Variants in ZBTB5 observed in about 807,000 individuals in gnomAD.
ZBTB5 encodes zinc finger and BTB domain containing 5, also known as zinc finger and BTB domain-containing protein 5.
A neutral mutation model predicts 37.9 loss-of-function variants in ZBTB5; 15 were observed. The observed-to-expected ratio is 0.40, with a 90% CI of 0.26 to 0.61. ZBTB5 has a LOEUF of 0.61. Among genes scored for constraint, ZBTB5 ranks in the 20% least tolerant of loss-of-function variants. The pLI, the probability that ZBTB5 is intolerant of heterozygous loss-of-function variation, is 0.47. For synonymous variants in ZBTB5, 315 were observed against 312.4 expected, an observed-to-expected ratio of 1.01 and a Z score of -0.09; for missense variants, 708 against 856.8, an observed-to-expected ratio of 0.83 and a Z score of 2.17.
At position 37,441,338 on chromosome 9, in the gene ZBTB5, G is replaced by A. The variant is rs772156215; in HGVS notation, c.1214C>T (p.Ser405Phe). The stretch of plus-strand genomic sequence containing the variant: ...AAGAAAATTCGAAATACTAAAAGTG[G>A]ACTTATGCTCTAGGTTATTTGTGAC... ...LEVTNNLEHK[S>F]TFSISNFLNK... The change falls in exon 2 of 2, where the codon TCC becomes TTC. Residue 405 changes from serine to phenylalanine, a missense_variant. Physicochemically the swap from Ser to Phe is radical, Grantham distance 155 (BLOSUM62 -2). Transcript: ENST00000307750. 3.1e-6 allele frequency: 5 copies of A among 1,613,984 alleles called. No individual in the cohort carries two copies.
At chr9:37,448,482 G>A (rs1245014393) in intron 1 of ZBTB5, among the ~76,000 whole-genome samples, 1 of 152,078 alleles carries the variant, frequency 6.6e-6, no homozygotes, top group Non-Finnish European at 1.5e-5. Flanking sequence ...TGACAAATAG[G>A]GCCCCTCTAC....
rs201436472 is a variant in ZBTB5, at chr9:37,442,166, G to C, written c.386C>G (p.Pro129Arg). Residue 129 changes from proline to arginine, a missense_variant, in exon 2 of 2, where the codon CCC becomes CGC. By Grantham distance (103) the Pro-to-Arg change is moderately radical. Around this residue, in one of 3 missense-constraint regions of ZBTB5, gnomAD observed 639 missense variants for 690.5 expected, o/e 0.93. Coordinates refer to ENST00000307750, the MANE Select transcript of ZBTB5 (RefSeq NM_014872.3). Reference protein sequence around the residue: ...LTTRTLPMSPPSERVQEQSAR... With the variant: ...LTTRTLPMSPRSERVQEQSAR... Reference sequence around the variant, plus strand: ...GCTCTGCTCCTGAACGCGCTCACTGGGGGGAGACATGGGCAGCGTCCTTGT... The same window carrying C: ...GCTCTGCTCCTGAACGCGCTCACTGCGGGGAGACATGGGCAGCGTCCTTGT... 141 of 1,614,190 alleles carry C rather than the reference G, an allele frequency of 8.7e-5. No individual in the cohort carries two copies. The highest frequency in any genetic ancestry group is 1.1e-4 in the Non-Finnish European group (129 of 1,180,030).
At chr9:37,464,455 A>C (rs1253006569) in intron 1 of ZBTB5, among the ~76,000 whole-genome samples, 1 of 152,228 alleles carries the variant, frequency 6.6e-6, no homozygotes, top group African/African-American at 2.4e-5. Context: ...CCTTCTGTTC[A>C]GAAAATTAGT....
chr9:37,446,092 G>A (rs1564311140), intron 1 of ZBTB5, among the ~76,000 whole-genome samples: 1 of 152,108 alleles, frequency 6.6e-6, no homozygotes, highest in East Asian at 1.9e-4. Flanking sequence ...GGGCGACAGA[G>A]CAAGTCTCTG....
At chr9:37,457,388 T>C (rs1824208735) in intron 1 of ZBTB5, among the ~76,000 whole-genome samples, 1 of 152,166 alleles carries the variant, frequency 6.6e-6, no homozygotes, top group Non-Finnish European at 1.5e-5. Context: ...CACGTCACCA[T>C]GCCCAGCTAA....
Position 37,441,836 on chromosome 9 carries a change from T to G in ZBTB5, c.716A>C (p.Lys239Thr). The change falls in exon 2 of 2, where the codon AAA becomes ACA. Residue 239 changes from lysine (K) to threonine (T), a missense_variant. Transcript: ENST00000307750. ...ATCAGCTTTAGGATTATCCACAATT[T>G]TCAGAGAATCTGGTGAAAAGAACTC... ...REEFFSPDSLKIVDNPKADGM... is the reference protein window; with the variant it reads ...REEFFSPDSLTIVDNPKADGM... 6.2e-7 allele frequency: 1 copy of G among 1,614,098 alleles called. No homozygotes were observed. The highest frequency in any genetic ancestry group is 8.5e-7 in the Non-Finnish European group (1 of 1,180,006).
intron 1 of ZBTB5, among the ~76,000 whole-genome samples, chr9:37,456,476 T>G (rs1460183252): frequency 1.3e-5 from 2 of 152,226 alleles, no homozygotes; most frequent in African/African-American, 4.8e-5. Flanking sequence ...ACTGAACAGA[T>G]TAGTTCTATA....
chr9:37,448,975 C>T (rs1410645633), intron 1 of ZBTB5, among the ~76,000 whole-genome samples: 1 of 151,482 alleles, frequency 6.6e-6, no homozygotes, highest in Non-Finnish European at 1.5e-5. Context: ...ACCCAGAAGG[C>T]GGAGAGTGCA....
chr9:37,447,977 C>G (rs1824021855), intron 1 of ZBTB5, among the ~76,000 whole-genome samples: 1 of 152,076 alleles, frequency 6.6e-6, no homozygotes, highest in Non-Finnish European at 1.5e-5. Flanking sequence ...GGCAATATGG[C>G]AAGCCCTCAT....
At chr9:37,463,682 T>C (rs977199111) in intron 1 of ZBTB5, among the ~76,000 whole-genome samples, 4 of 152,260 alleles carry the variant, frequency 2.6e-5, no homozygotes, top group Admixed American at 6.5e-5. Context: ...CGCTCCTAAG[T>C]CTGTAAGATG....
In ZBTB5 at chr9:37,440,778, G is replaced by T; in HGVS notation, c.1774C>A (p.Leu592Met). The T allele has an allele frequency of 6.2e-7, 1 of 1,614,220 alleles. No individual in the cohort carries two copies. Among genetic ancestry groups the T allele is most frequent in the Non-Finnish European group, 8.5e-7 (1 of 1,180,046 alleles). ...PQLTRASADV[L>M]SKCKKALSEH... The stretch of plus-strand genomic sequence containing the variant: ...GATAAGGCCTTCTTGCACTTTGACA[G>T]AACATCTGCAGATGCCCTGGTCAAC... The change falls in exon 2 of 2, where the codon CTG (leucine) becomes ATG (methionine). Residue 592 changes from leucine (L) to methionine (M), a missense_variant. Coordinates refer to ENST00000307750, the MANE Select transcript of ZBTB5 (RefSeq NM_014872.3).
intron 1 of ZBTB5, among the ~76,000 whole-genome samples, chr9:37,453,521 CT>C (rs1393259585): frequency 1.3e-5 from 2 of 152,152 alleles, no homozygotes; most frequent in Non-Finnish European, 2.9e-5. Context: ...CGGTGTGAAA[CT>C]TTTTTACCAT....
intron 1 of ZBTB5, among the ~76,000 whole-genome samples, chr9:37,463,662 T>G (rs187453662): frequency 4.1e-4 from 63 of 152,386 alleles, no homozygotes; most frequent in Non-Finnish European, 2.9e-5. Flanking sequence ...GAGTCTCTTT[T>G]GAGAGCGTTC....
At chr9:37,454,201 T>C (rs952558068) in intron 1 of ZBTB5, among the ~76,000 whole-genome samples, 6 of 152,194 alleles carry the variant, frequency 3.9e-5, no homozygotes, top group African/African-American at 1.4e-4. Flanking sequence ...GGATATAAAA[T>C]TTGCTATTAT....
intron 1 of ZBTB5, among the ~76,000 whole-genome samples, chr9:37,454,728 A>G (rs1014148225): frequency 7.9e-5 from 12 of 152,210 alleles, no homozygotes; most frequent in Non-Finnish European, 1.8e-4. Flanking sequence ...ACACTGATAT[A>G]CCCACATGCT....
Position 37,441,945 on chromosome 9 carries a change from G to T in ZBTB5, c.607C>A (p.Gln203Lys). 6.2e-7 allele frequency: 1 copy of T among 1,613,994 alleles called. No homozygotes were observed. The highest frequency in any genetic ancestry group is 1.1e-5 in the South Asian group (1 of 91,092). The part of the protein sequence containing the change: ...RKQSAEERAR[Q>K]RLRPSIDESA... ...TCATCTATGGAGGGTCGGAGGCGCTGCCTGGCCCGCTCCTCTGCAGACTGC... is the reference window on the plus strand; with the variant it reads ...TCATCTATGGAGGGTCGGAGGCGCTTCCTGGCCCGCTCCTCTGCAGACTGC... Residue 203 changes from glutamine to lysine, a missense_variant, in exon 2 of 2, where the codon CAG (glutamine) becomes AAG (lysine). This residue lies in a region of ZBTB5 where 639 missense variants were observed against 690.5 expected (regional missense o/e 0.93). Coordinates refer to ENST00000307750, the MANE Select transcript of ZBTB5 (RefSeq NM_014872.3).
intron 1 of ZBTB5, among the ~76,000 whole-genome samples, chr9:37,443,138 T>C (rs1300843294): frequency 6.6e-6 from 1 of 151,764 alleles, no homozygotes; most frequent in African/African-American, 2.4e-5. Flanking sequence ...TCACCTGAGG[T>C]CAGGAGTTCA....
At position 37,439,707 on chromosome 9, in the gene ZBTB5, A is replaced by C. The variant is rs1823819929; in HGVS notation, c.*811T>G. On this transcript the variant is annotated 3_prime_UTR_variant, in exon 2 of 2. Coordinates refer to ENST00000307750, the MANE Select transcript of ZBTB5 (RefSeq NM_014872.3). ...ACATCAGCAGAACAAAGACAAACAC[A>C]AGTCTTTTCTGACTTCCTAACATGG... The C allele has an allele frequency of 6.6e-6, 1 of 152,166 alleles. No homozygotes were observed. Among genetic ancestry groups the C allele is most frequent in the Admixed American group, 6.5e-5 (1 of 15,270 alleles). The allele number at this position is 152,166 out of a possible 1,614,324, so 9.4% of individuals were successfully genotyped here. A position where few individuals can be genotyped will look rare whatever the true frequency, so the allele number is the denominator to read the frequency against.
At chr9:37,452,804 T>C (rs1824126400) in intron 1 of ZBTB5, among the ~76,000 whole-genome samples, 1 of 152,178 alleles carries the variant, frequency 6.6e-6, no homozygotes. Context: ...CCTAGGGCAA[T>C]GTAAACTGCC....
Sources: allele counts gnomAD v4.1 joint callset (sites outside exome capture counted in the v4.1 genomes callset), GRCh38; gene constraint gnomAD v4.1.1; regional missense constraint gnomAD v4.1.1; transcripts MANE v1.5; gene names NCBI Gene and HGNC (gene_info 2026-07-23, HGNC 2026-07-21).